Variants in BRINP3 observed in about 807,000 individuals in gnomAD.
The protein encoded by BRINP3 is BMP/retinoic acid inducible neural specific 3.
Under a neutral mutation model 71.0 loss-of-function variants are expected in BRINP3, and 19 were observed. The observed-to-expected ratio is 0.27, with a 90% CI of 0.19 to 0.39. The LOEUF (loss-of-function observed/expected upper bound fraction) is 0.39. Among genes scored for constraint, BRINP3 ranks in the 10% least tolerant of loss-of-function variants. BRINP3 has a pLI of 1.00. For missense variants in BRINP3, 959 were observed against 940.8 expected, an observed-to-expected ratio of 1.02 and a Z score of -0.25; for synonymous variants, 380 against 337.7, an observed-to-expected ratio of 1.13 and a Z score of -1.37.
chr1:190,385,132 A>G (rs995034705), intron 2 of BRINP3, among the ~76,000 whole-genome samples: 1 of 152,140 alleles, frequency 6.6e-6, no homozygotes, highest in Non-Finnish European at 1.5e-5. Context: ...AAACCCTAGA[A>G]GAAAACCTAG....
At chr1:190,156,621 G>A (rs995834905) in intron 7 of BRINP3, among the ~76,000 whole-genome samples, 1 of 151,812 alleles carries the variant, frequency 6.6e-6, no homozygotes, top group Non-Finnish European at 1.5e-5. Flanking sequence ...AACGGGGATG[G>A]AAAATATCAA....
At chr1:190,318,008 A>G (rs753780584) in intron 2 of BRINP3, among the ~76,000 whole-genome samples, 1 of 152,158 alleles carries the variant, frequency 6.6e-6, no homozygotes, top group Non-Finnish European at 1.5e-5. Context: ...AGTTCAATAT[A>G]TATTTGAATG....
rs150499440 is a variant in BRINP3 at position 190,400,331 on chromosome 1, A to C, written c.236+54324T>G. 1.5e-3 allele frequency among the ~76,000 whole-genome samples: 222 copies of C among 152,274 alleles called. 2 individuals are homozygous for C. The highest frequency in any genetic ancestry group is 5.3e-3 in the African/African-American group (220 of 41,568). The stretch of plus-strand genomic sequence containing the variant: ...TAAATAAGTCACAAAACAATATTGA[A>C]ATAGTATAAGACAATGTCAAAGTAT... On this transcript the variant is annotated intron_variant, in intron 2 of 7. Transcript: ENST00000367462.
At chr1:190,253,130 G>A (rs898752273) in intron 4 of BRINP3, among the ~76,000 whole-genome samples, 10 of 152,106 alleles carry the variant, frequency 6.6e-5, no homozygotes, top group African/African-American at 2.4e-4. Flanking sequence ...TGGCTGCATA[G>A]TATTCCATGG....
intron 7 of BRINP3, among the ~76,000 whole-genome samples, chr1:190,115,677 G>T (rs1249035484): frequency 1.3e-5 from 2 of 152,078 alleles, no homozygotes; most frequent in African/African-American, 4.8e-5. Context: ...GTGGTTTTTG[G>T]ATACAGAGAT....
intron 2 of BRINP3, among the ~76,000 whole-genome samples, chr1:190,402,888 A>T (rs1672024037): frequency 6.6e-6 from 1 of 152,012 alleles, no homozygotes; most frequent in Non-Finnish European, 1.5e-5. Context: ...CAGCATGCCC[A>T]GGTAATTTTT....
intron 2 of BRINP3, among the ~76,000 whole-genome samples, chr1:190,313,212 C>A (rs1427170762): frequency 6.6e-6 from 1 of 151,834 alleles, no homozygotes. Flanking sequence ...TTGGTACCTG[C>A]AGATTTTTAT....
chr1:190,284,334 T>C (rs1663261037), intron 2 of BRINP3, among the ~76,000 whole-genome samples: 1 of 152,016 alleles, frequency 6.6e-6, no homozygotes. Flanking sequence ...AAAATATTGT[T>C]TACTCTTTAT....
intron 7 of BRINP3, among the ~76,000 whole-genome samples, chr1:190,148,636 T>TA (rs1558008906): frequency 6.7e-6 from 1 of 148,714 alleles, no homozygotes; most frequent in Non-Finnish European, 1.5e-5. Context: ...AATAAATAAA[T>TA]AAATAAATAA....
chr1:190,392,606 T>C (rs969957582), intron 2 of BRINP3, among the ~76,000 whole-genome samples: 2 of 151,680 alleles, frequency 1.3e-5, no homozygotes, highest in African/African-American at 2.4e-5. Flanking sequence ...AAAAGTTATT[T>C]TTTAAAAAAG....
At chr1:190,292,101 C>G (rs747473301) in intron 2 of BRINP3, among the ~76,000 whole-genome samples, 1 of 151,944 alleles carries the variant, frequency 6.6e-6, no homozygotes, top group Non-Finnish European at 1.5e-5. Context: ...AAAAGTTGAT[C>G]CCATAAAAGC....
chr1:190,250,904 G>A (rs892697585), intron 4 of BRINP3, among the ~76,000 whole-genome samples: 4 of 151,798 alleles, frequency 2.6e-5, no homozygotes, highest in Non-Finnish European at 5.9e-5. Context: ...TTCTTGTATT[G>A]TAGCGTGGTT....
In BRINP3 at chr1:190,160,599, C is replaced by A. The variant is rs573774348; in HGVS notation, c.1184+69G>T. The A allele has an allele frequency of 4.4e-6, 6 of 1,354,760 alleles. No homozygotes were observed. The African/African-American group carries it at 7.3e-5, about 16-fold the overall frequency. 83.9% of individuals were successfully genotyped at this position (1,354,760 alleles called of 1,614,324 possible). ...ATTTGTATATTAACACACCTGCATT[C>A]AGAAAAATAAATAGAACTCACTTTT... On this transcript the variant is annotated intron_variant, in intron 7 of 7. Transcript: ENST00000367462.
intron 6 of BRINP3, among the ~76,000 whole-genome samples, chr1:190,165,147 AC>A (rs1308288088): frequency 6.6e-5 from 10 of 152,088 alleles, no homozygotes; most frequent in African/African-American, 9.7e-5. Flanking sequence ...ATAGAAAAAA[AC>A]ATATGTCTGA....
In BRINP3 at chr1:190,281,496, T is replaced by C. The variant is rs1430963124; in HGVS notation, c.427+64A>G. The C allele has an allele frequency of 2.1e-6, 3 of 1,450,368 alleles. No homozygotes were observed. The South Asian group carries it at 3.8e-5, about 18-fold the overall frequency. 89.8% of individuals were successfully genotyped at this position (1,450,368 alleles called of 1,614,324 possible). ...AGCTATCTTGATTAATTAACACTTT[T>C]CTGCGATTTATACGGTTTTAGGCAC... is the stretch of plus-strand genomic sequence containing the variant. On this transcript the variant is annotated intron_variant, in intron 3 of 7. Transcript: ENST00000367462.
chr1:190,175,619 T>A (rs1039808173), intron 6 of BRINP3, among the ~76,000 whole-genome samples: 3 of 152,138 alleles, frequency 2.0e-5, no homozygotes, highest in African/African-American at 7.2e-5. Flanking sequence ...ATTCTTAATA[T>A]ATTAAAAACT....
chr1:190,200,713 G>A (rs927144257), intron 6 of BRINP3, among the ~76,000 whole-genome samples: 2 of 151,934 alleles, frequency 1.3e-5, no homozygotes, highest in African/African-American at 2.4e-5. Context: ...TTGAATCATG[G>A]GGCAGATCTT....
intron 5 of BRINP3, among the ~76,000 whole-genome samples, chr1:190,232,598 A>G (rs776052736): frequency 6.6e-6 from 1 of 151,646 alleles, no homozygotes; most frequent in Non-Finnish European, 1.5e-5. Flanking sequence ...AGTTACGCAC[A>G]TTAGTTGAAG....
Position 190,273,049 on chromosome 1 carries a change from A to T in BRINP3, c.428-7994T>A, listed in dbSNP as rs1371479529. Among the ~76,000 whole-genome samples the T allele has an allele frequency of 2.4e-5, 3 of 127,376 alleles. No homozygotes were observed. The South Asian group carries it at 7.3e-4, about 31-fold the overall frequency. The allele number at this position is 127,376 out of a possible 152,430, so 83.6% of individuals were successfully genotyped here. ...AATAGGCCTTTCTTTCCTGTAAGAG[A>T]TCTGTTTTTTTTTTTCAATTGTGCA... On this transcript the variant is annotated intron_variant, in intron 3 of 7. Transcript: ENST00000367462.
Sources: allele counts gnomAD v4.1 joint callset (sites outside exome capture counted in the v4.1 genomes callset), GRCh38; gene constraint gnomAD v4.1.1; transcripts MANE v1.5; gene names NCBI Gene and HGNC (gene_info 2026-07-23, HGNC 2026-07-21).